HEXA: variants seen among roughly 807,000 people sequenced by gnomAD.
The protein encoded by HEXA is beta-hexosaminidase subunit alpha.
A neutral mutation model predicts 73.3 loss-of-function variants in HEXA; 54 were observed. The observed-to-expected ratio is 0.74, with a 90% CI of 0.59 to 0.92. The LOEUF is 0.92. Among genes scored for constraint, HEXA ranks in the 40% least tolerant of loss-of-function variants. HEXA has a pLI of 0.00. For synonymous variants in HEXA, 230 were observed against 246.9 expected (o/e 0.93, Z 0.64); for missense variants, 649 against 653.0 (o/e 0.99, Z 0.07).
At chr15:72,363,819 T>G (rs1479933090) in intron 1 of HEXA, among the ~76,000 whole-genome samples, 2 of 152,308 alleles carry the variant, frequency 1.3e-5, no homozygotes, top group Non-Finnish European at 2.9e-5. Flanking sequence ...CTTTTAAAAC[T>G]GATCTGTCCC....
rs121907966 is a variant in HEXA at position 72,345,477 on chromosome 15, G to A, written c.1495C>T (p.Arg499Cys). The A allele has an allele frequency of 1.1e-5, 17 of 1,614,090 alleles. No homozygotes were observed. Among genetic ancestry groups the A allele is most frequent in the African/African-American group, 5.3e-5 (4 of 74,944 alleles). Residue 499 changes from arginine (R) to cysteine (C), a missense_variant, in exon 13 of 14, where the codon CGT becomes TGT. Physicochemically the swap from Arg to Cys is radical, Grantham distance 180. Transcript: ENST00000268097. The part of the protein sequence containing the change: ...LTSDLTFAYE[R>C]LSHFRCELLR... Reference sequence around the variant, plus strand: ...AATTCACAGCGGAAGTGTGACAAACGTTCATAGGCAAATGTCAGGTCAGAT... The same window carrying A: ...AATTCACAGCGGAAGTGTGACAAACATTCATAGGCAAATGTCAGGTCAGAT...
chr15:72,359,693 CAAAAAAAAAA>C lies in HEXA; in HGVS notation c.254-3086_254-3077del, dbSNP rs71133986. The C allele has an allele frequency of 4.0e-4, 7 of 17,570 alleles. No individual in the cohort carries two copies. The Admixed American group carries it at 4.1e-3, about 10-fold the overall frequency. 1.1% of individuals were successfully genotyped at this position (17,570 alleles called of 1,614,324 possible). On this transcript the variant is annotated intron_variant, in intron 1 of 13. Coordinates refer to ENST00000268097, the MANE Select transcript of HEXA (RefSeq NM_000520.6). ...CCTGGGCAATAGAGTGAAACTGTCT[CAAAAAAAAAA>C]AAAAAAAAAAAAAAAAGAGTAGTAC...
intron 5 of HEXA, among the ~76,000 whole-genome samples, chr15:72,351,977 T>C (rs1438061636): frequency 6.6e-6 from 1 of 151,778 alleles, no homozygotes; most frequent in Non-Finnish European, 1.5e-5. Flanking sequence ...TTATTTATTT[T>C]TGAGACAGGG....
intron 7 of HEXA, chr15:72,350,261 T>C: frequency 2.0e-6 from 1 of 491,608 alleles, no homozygotes; most frequent in Non-Finnish European, 3.7e-6. Context: ...GCATCCACTC[T>C]AGGCACAACT....
At chr15:72,347,875 G>A in intron 9 of HEXA, 117 bp from the exon 10 acceptor site, 2 of 1,089,576 alleles carry the variant, frequency 1.8e-6, no homozygotes, top group South Asian at 2.6e-5. Flanking sequence ...ATTAAGCAGT[G>A]TCTTTCCCCT....
chr15:72,370,968 T>C (rs2088984013), intron 1 of HEXA, among the ~76,000 whole-genome samples: 1 of 152,208 alleles, frequency 6.6e-6, no homozygotes, highest in African/African-American at 2.4e-5. Flanking sequence ...CCCGTGTTGT[T>C]TTCTTCCTCT....
intron 1 of HEXA, among the ~76,000 whole-genome samples, chr15:72,372,632 C>T (rs1454758799): frequency 1.3e-5 from 2 of 152,186 alleles, no homozygotes; most frequent in Non-Finnish European, 2.9e-5. Flanking sequence ...CACACACCCT[C>T]CAATTGGTAG....
intron 7 of HEXA, 72 bp downstream of exon 7, chr15:72,350,446 T>C (rs552838598): frequency 9.5e-4 from 1,453 of 1,522,466 alleles, no homozygotes; most frequent in Non-Finnish European, 1.0e-3. Context: ...GCCACTTCCA[T>C]GAGCCAGTGC....
At chr15:72,375,345 CTA>C (rs1178795789) in intron 1 of HEXA, among the ~76,000 whole-genome samples, 1 of 152,154 alleles carries the variant, frequency 6.6e-6, no homozygotes, top group African/African-American at 2.4e-5. Flanking sequence ...GCCAAACATT[CTA>C]TGTGCCAGAA....
chr15:72,345,251 A>T (rs1644839388), intron 13 of HEXA, 195 bp downstream of exon 13: 3 of 1,044,358 alleles, frequency 2.9e-6, no homozygotes, highest in Non-Finnish European at 4.1e-6. Flanking sequence ...AGTATTTTTT[A>T]TTTGTACCAT....
chr15:72,357,825 C>A (rs2088805486), intron 1 of HEXA: 1 of 152,128 alleles, frequency 6.6e-6, no homozygotes, highest in South Asian at 2.1e-4. Flanking sequence ...TTTGGTCTGC[C>A]AAGAAGCAAG....
Position 72,349,074 on chromosome 15 carries a change from C to T in HEXA, c.986+5G>A. ...GCCACAGTGGGAAGATCAAAGGGCT[C>T]ATACCAGCAGGTGAAATCAACCTCA... On this transcript the variant is annotated splice_donor_5th_base_variant and intron_variant, in intron 8 of 13. Transcript: ENST00000268097. The T allele has an allele frequency of 8.1e-6, 13 of 1,612,500 alleles. No homozygotes were observed. The highest frequency in any genetic ancestry group is 1.0e-5 in the Non-Finnish European group (12 of 1,178,626).
chr15:72,350,388 G>T, intron 7 of HEXA, 130 bp downstream of exon 7: 2 of 967,092 alleles, frequency 2.1e-6, no homozygotes, highest in Non-Finnish European at 3.4e-6. Context: ...ATTCCCAGGT[G>T]GAAGAAGTCG....
At chr15:72,348,182 C>A in intron 8 of HEXA, 48 bp from the exon 9 acceptor site, 1 of 1,334,052 alleles carries the variant, frequency 7.5e-7, no homozygotes, top group Non-Finnish European at 1.1e-6. Flanking sequence ...ATCCTGAAAG[C>A]CTAATGCCTG....
chr15:72,356,450 T>C, intron 2 of HEXA, 75 bp downstream of exon 2: 3 of 1,538,824 alleles, frequency 1.9e-6, no homozygotes, highest in Non-Finnish European at 2.7e-6. Context: ...ATCAGCAGTT[T>C]AGGCCAGGCC....
In HEXA at chr15:72,348,032, C is replaced by A; in HGVS notation, c.1073+16G>T. ...GGACCCCCAAGGGACCCCACCCACC[C>A]TCCTTCCTTCCTCACGTCTGGATGT... On this transcript the variant is annotated intron_variant, in intron 9 of 13. Coordinates refer to ENST00000268097, the MANE Select transcript of HEXA (RefSeq NM_000520.6). The A allele has an allele frequency of 6.3e-7, 1 of 1,586,000 alleles. No homozygotes were observed.
At chr15:72,374,501 A>G (rs1337041612) in intron 1 of HEXA, among the ~76,000 whole-genome samples, 1 of 152,026 alleles carries the variant, frequency 6.6e-6, no homozygotes, top group Non-Finnish European at 1.5e-5. Flanking sequence ...ATATCAAATG[A>G]TAACTTTTGT....
chr15:72,348,212 C>T, intron 8 of HEXA, 78 bp from the exon 9 acceptor site: 1 of 912,980 alleles, frequency 1.1e-6, no homozygotes, highest in Non-Finnish European at 1.8e-6. Flanking sequence ...CACCTGGCCC[C>T]CTATAACTTC....
At chr15:72,368,182 A>C (rs957065249) in intron 1 of HEXA, among the ~76,000 whole-genome samples, 2 of 152,220 alleles carry the variant, frequency 1.3e-5, no homozygotes, top group Non-Finnish European at 2.9e-5. Flanking sequence ...AAATATTCAT[A>C]ACCTGAGTGC....
Sources: gnomAD v4.1 joint callset for allele counts (sites outside exome capture counted in the v4.1 genomes callset) on GRCh38, gnomAD v4.1.1 for gene constraint, MANE v1.5 for transcripts, NCBI Gene and HGNC (gene_info 2026-07-23, HGNC 2026-07-21) for gene names.